Variants in MRPL45 observed in about 807,000 individuals in gnomAD.
MRPL45 encodes mitochondrial ribosomal protein L45.
In MRPL45, 20 loss-of-function variants were observed where a neutral mutation model predicts 38.1. That is an observed-to-expected ratio of 0.53 (90% CI 0.37 to 0.76). The LOEUF is 0.76. MRPL45 is among the 30% of genes least tolerant of loss of function. The pLI is 0.00. For synonymous variants in MRPL45, 105 were observed against 128.8 expected (o/e 0.82, Z 1.25); for missense variants, 337 against 395.6 (o/e 0.85, Z 1.26).
chr17:38,315,050 T>C lies in MRPL45; in HGVS notation c.462-3637T>C, dbSNP rs150033973. ...CAATTCATAATTATTGTTTTATGCA[T>C]TTGCCTTTTAAATCATACAGGATGA... On this transcript the variant is annotated intron_variant, in intron 4 of 7. Transcript: ENST00000613675. Among the ~76,000 whole-genome samples, 647 of 152,346 alleles carry C rather than the reference T, an allele frequency of 4.2e-3. 1 individual carries two copies. Among genetic ancestry groups the C allele is most frequent in the African/African-American group, 0.015 (628 of 41,582 alleles).
chr17:38,313,869 G>A (rs1314073431), intron 4 of MRPL45, among the ~76,000 whole-genome samples: 1 of 151,746 alleles, frequency 6.6e-6, no homozygotes, highest in African/African-American at 2.4e-5. Context: ...CACCATGTTG[G>A]CCAGGCTGGT....
intron 4 of MRPL45, among the ~76,000 whole-genome samples, chr17:38,308,694 C>T (rs558250749): frequency 6.6e-6 from 1 of 152,156 alleles, no homozygotes; most frequent in African/African-American, 2.4e-5. Context: ...CCCACCTCGG[C>T]CTCCCAAAGT....
chr17:38,312,697 A>T (rs1259913089), intron 4 of MRPL45, among the ~76,000 whole-genome samples: 1 of 151,998 alleles, frequency 6.6e-6, no homozygotes, highest in Non-Finnish European at 1.5e-5. Context: ...TTAAAAAATC[A>T]TCCGGGCATG....
At chr17:38,318,597 A>G in intron 4 of MRPL45, 90 bp from the exon 5 acceptor site, 1 of 944,568 alleles carries the variant, frequency 1.1e-6, no homozygotes, top group African/African-American at 1.6e-5. Flanking sequence ...TGTAAAAATG[A>G]ATTGTTTTCC....
intron 3 of MRPL45, among the ~76,000 whole-genome samples, chr17:38,300,691 A>C (rs2036985159): frequency 6.6e-6 from 1 of 152,104 alleles, no homozygotes; most frequent in South Asian, 2.1e-4. Flanking sequence ...TCACGTCTGT[A>C]ATCCCAGCAC....
At chr17:38,313,684 T>C (rs2037147844) in intron 4 of MRPL45, among the ~76,000 whole-genome samples, 1 of 150,676 alleles carries the variant, frequency 6.6e-6, no homozygotes, top group African/African-American at 2.5e-5. Flanking sequence ...TTTTTTTGAG[T>C]TGAAGTCTTG....
chr17:38,305,923 G>A (rs181834530), intron 3 of MRPL45, among the ~76,000 whole-genome samples: 1 of 151,852 alleles, frequency 6.6e-6, no homozygotes, highest in East Asian at 2.0e-4. Context: ...GATTACAGAC[G>A]TGAGCCACCG....
chr17:38,318,761 G>T (rs756917153), intron 5 of MRPL45, 26 bp downstream of exon 5: 1 of 1,551,132 alleles, frequency 6.4e-7, no homozygotes, highest in Non-Finnish European at 8.9e-7. Context: ...CCTTAGAACT[G>T]TGGGGTGACT....
chr17:38,300,251 C>T (rs2036979615), intron 3 of MRPL45, among the ~76,000 whole-genome samples: 1 of 151,940 alleles, frequency 6.6e-6, no homozygotes, highest in Admixed American at 6.6e-5. Context: ...CTCTTGACCT[C>T]GTGATCCACC....
intron 5 of MRPL45, among the ~76,000 whole-genome samples, chr17:38,319,458 A>G (rs1309707818): frequency 1.3e-5 from 2 of 152,076 alleles, no homozygotes; most frequent in African/African-American, 2.4e-5. Context: ...CATGAACCCC[A>G]CTGCGCCCTG....
intron 4 of MRPL45, among the ~76,000 whole-genome samples, chr17:38,315,469 T>C (rs2037164510): frequency 6.6e-6 from 1 of 151,812 alleles, no homozygotes; most frequent in Non-Finnish European, 1.5e-5. Context: ...GGGTCTCGCT[T>C]TGTTGCCCAG....
chr17:38,313,345 TAC>T (rs1225923190), intron 4 of MRPL45, among the ~76,000 whole-genome samples: 131 of 19,392 alleles, frequency 6.8e-3, no homozygotes, highest in African/African-American at 0.027. Context: ...TATATATATA[TAC>T]GTATATATAT....
intron 3 of MRPL45, among the ~76,000 whole-genome samples, chr17:38,302,486 C>T (rs1306009402): frequency 2.9e-3 from 163 of 55,742 alleles, no homozygotes; most frequent in East Asian, 6.3e-3. Context: ...GACTCCATCT[C>T]AAAAAAAAAA....
At chr17:38,304,566 C>T (rs975845483) in intron 3 of MRPL45, among the ~76,000 whole-genome samples, 39 of 151,916 alleles carry the variant, frequency 2.6e-4, no homozygotes, top group African/African-American at 9.0e-4. Context: ...TTTTTTGAGA[C>T]GGAGTCTCAC....
At chr17:38,317,595 G>A (rs1410306830) in intron 4 of MRPL45, among the ~76,000 whole-genome samples, 3 of 151,230 alleles carry the variant, frequency 2.0e-5, no homozygotes, top group African/African-American at 4.9e-5. Flanking sequence ...TTTTTGAGAC[G>A]GAATCTCGCT....
intron 3 of MRPL45, among the ~76,000 whole-genome samples, chr17:38,301,693 G>A (rs1316007574): frequency 3.3e-5 from 5 of 152,220 alleles, no homozygotes; most frequent in Non-Finnish European, 7.3e-5. Flanking sequence ...GGTCCATGGT[G>A]ATGATGAACA....
chr17:38,305,285 G>A (rs978428441), intron 3 of MRPL45, among the ~76,000 whole-genome samples: 3 of 134,152 alleles, frequency 2.2e-5, no homozygotes, highest in Non-Finnish European at 1.6e-5. Flanking sequence ...TGGTCAGCAT[G>A]GTGAAACCCC....
At chr17:38,297,292 G>T in intron 1 of MRPL45, 43 bp downstream of exon 1, 1 of 1,569,334 alleles carries the variant, frequency 6.4e-7, no homozygotes, top group Non-Finnish European at 8.8e-7. Flanking sequence ...GGCTACAGGA[G>T]AGGACAGAGT....
intron 4 of MRPL45, among the ~76,000 whole-genome samples, chr17:38,312,742 G>T (rs1317503543): frequency 6.6e-6 from 1 of 151,848 alleles, no homozygotes; most frequent in Non-Finnish European, 1.5e-5. Flanking sequence ...TATTTGAGGT[G>T]CTAAGGCAGA....
Sources: allele counts gnomAD v4.1 joint callset (sites outside exome capture counted in the v4.1 genomes callset), GRCh38; gene constraint gnomAD v4.1.1; transcripts MANE v1.5; gene names NCBI Gene and HGNC (gene_info 2026-07-23, HGNC 2026-07-21).